SARNP: variants seen among roughly 807,000 people sequenced by gnomAD.
SARNP encodes SAP domain-containing ribonucleoprotein.
A neutral mutation model predicts 38.1 loss-of-function variants in SARNP; 5 were observed. The ratio of observed to expected loss-of-function variants is 0.13; its 90% CI spans 0.07 to 0.28. SARNP has a LOEUF of 0.28. Among genes scored for constraint, SARNP ranks in the 10% least tolerant of loss-of-function variants. The pLI, the probability that SARNP is intolerant of heterozygous loss-of-function variation, is 1.00. For missense variants in SARNP, 180 were observed against 243.9 expected (o/e 0.74, Z 1.75); for synonymous variants, 84 against 80.6 (o/e 1.04, Z -0.23).
intron 9 of SARNP, among the ~76,000 whole-genome samples, chr12:55,781,669 A>G (rs1879345972): frequency 6.6e-6 from 1 of 152,206 alleles, no homozygotes; most frequent in Non-Finnish European, 1.5e-5. Flanking sequence ...CATGAAAATG[A>G]TCACTGCAGC....
chr12:55,770,532 C>A (rs1312808399), intron 9 of SARNP, among the ~76,000 whole-genome samples: 1 of 152,102 alleles, frequency 6.6e-6, no homozygotes, highest in Admixed American at 6.6e-5. Context: ...AGCCACCACG[C>A]CCAGCCTATA....
intron 4 of SARNP, among the ~76,000 whole-genome samples, chr12:55,798,480 G>A (rs992230533): frequency 2.0e-5 from 3 of 152,214 alleles, no homozygotes; most frequent in South Asian, 2.1e-4. Context: ...CCTGGACAAC[G>A]GAGTGAGTCC....
At chr12:55,768,063 A>C (rs1878896430) in intron 9 of SARNP, among the ~76,000 whole-genome samples, 1 of 152,120 alleles carries the variant, frequency 6.6e-6, no homozygotes, top group Non-Finnish European at 1.5e-5. Flanking sequence ...TTACTGGACA[A>C]AATCAGTCTT....
At chr12:55,795,975 G>T in intron 5 of SARNP, 50 bp downstream of exon 5, 1 of 1,257,604 alleles carries the variant, frequency 8.0e-7, no homozygotes. Flanking sequence ...TAAAGGGTAA[G>T]AGGGAGAGAG....
intron 9 of SARNP, among the ~76,000 whole-genome samples, chr12:55,778,506 G>A (rs1292626695): frequency 2.0e-5 from 3 of 152,090 alleles, no homozygotes; most frequent in African/African-American, 7.2e-5. Context: ...TTGGGAGGGT[G>A]GAGAAAAGTA....
chr12:55,796,460 T>C, intron 4 of SARNP, among the ~76,000 whole-genome samples: 1 of 152,218 alleles, frequency 6.6e-6, no homozygotes, highest in East Asian at 1.9e-4. Context: ...TGGAGTGCAA[T>C]GGCACGATCT....
chr12:55,784,798 G>A (rs552648298), intron 9 of SARNP, among the ~76,000 whole-genome samples: 10 of 152,318 alleles, frequency 6.6e-5, no homozygotes, highest in African/African-American at 2.4e-4. Context: ...CTGGGACACT[G>A]TGATGGTTTA....
intron 8 of SARNP, among the ~76,000 whole-genome samples, chr12:55,789,809 T>C (rs1879609078): frequency 6.6e-6 from 1 of 151,940 alleles, no homozygotes; most frequent in Admixed American, 6.6e-5. Flanking sequence ...CCGGGCATGG[T>C]GGCGGGCACC....
At chr12:55,754,410 GC>G (rs1469513661), downstream of SARNP, 1 of 152,184 alleles carries the variant, frequency 6.6e-6, no homozygotes, top group African/African-American at 2.4e-5. Context: ...GAATCAGCAG[GC>G]AGTGGCATCT....
intron 4 of SARNP, among the ~76,000 whole-genome samples, chr12:55,797,245 A>G (rs1292397805): frequency 6.6e-6 from 1 of 152,226 alleles, no homozygotes; most frequent in Non-Finnish European, 1.5e-5. Flanking sequence ...TTTTATTGGA[A>G]ATCCCTGGAC....
intron 9 of SARNP, among the ~76,000 whole-genome samples, chr12:55,770,955 AAC>A (rs1288667631): frequency 1.5e-5 from 2 of 136,834 alleles, no homozygotes; most frequent in Non-Finnish European, 3.2e-5. Flanking sequence ...TTTTTTTTTT[AAC>A]AGAGTTTCGC....
chr12:55,792,555 T>TC (rs1197352656), intron 7 of SARNP: 2 of 150,260 alleles, frequency 1.3e-5, no homozygotes, highest in Non-Finnish European at 3.0e-5. Flanking sequence ...TTTTTTTTTT[T>TC]TGTATTTTTA....
chr12:55,779,691 T>A (rs1173220739), intron 9 of SARNP, among the ~76,000 whole-genome samples: 1 of 152,184 alleles, frequency 6.6e-6, no homozygotes, highest in African/African-American at 2.4e-5. Flanking sequence ...AGAAGACTGA[T>A]GACCAACTTC....
At position 55,800,649 on chromosome 12, in the gene SARNP, G is replaced by A. The variant is rs773228491; in HGVS notation, c.184-20C>T. 15 of 1,578,662 alleles carry A rather than the reference G, an allele frequency of 9.5e-6. No individual in the cohort carries two copies. The highest frequency in any genetic ancestry group is 1.4e-5 in the African/African-American group (1 of 73,442). On this transcript the variant is annotated intron_variant, in intron 3 of 10. Coordinates refer to ENST00000336133, the MANE Select transcript of SARNP (RefSeq NM_033082.4). ...TTCTTCCTAAAACCAAATGAAACAA[G>A]GTGGTTAACATAAATCTAAAGAATA...
At chr12:55,794,456 A>AT in intron 6 of SARNP, 69 bp from the exon 7 acceptor site, 1 of 1,328,546 alleles carries the variant, frequency 7.5e-7, no homozygotes, top group Non-Finnish European at 1.1e-6. Context: ...TCTCCGTGTC[A>AT]AGTATACATA....
chr12:55,797,820 C>G (rs1246654849), intron 4 of SARNP, among the ~76,000 whole-genome samples: 3 of 152,186 alleles, frequency 2.0e-5, no homozygotes, highest in Non-Finnish European at 4.4e-5. Context: ...CCCTGAAATA[C>G]AGAGACCCAG....
intron 4 of SARNP, among the ~76,000 whole-genome samples, chr12:55,796,550 C>T (rs997382376): frequency 6.6e-6 from 1 of 152,118 alleles, no homozygotes; most frequent in Non-Finnish European, 1.5e-5. Context: ...TTACAGGCAC[C>T]TGCCACCACG....
At chr12:55,784,000 C>T (rs188763517) in intron 9 of SARNP, among the ~76,000 whole-genome samples, 9 of 152,230 alleles carry the variant, frequency 5.9e-5, no homozygotes, top group Non-Finnish European at 1.0e-4. Flanking sequence ...ATACTTCCTC[C>T]CTTTATTCAT....
chr12:55,756,430 C>CAA (rs1381235796), downstream of SARNP: 1 of 152,120 alleles, frequency 6.6e-6, no homozygotes, highest in Admixed American at 6.5e-5. Context: ...GAAAGGTGAT[C>CAA]AAACTATTAC....
Sources: allele counts gnomAD v4.1 joint callset (sites outside exome capture counted in the v4.1 genomes callset), GRCh38; gene constraint gnomAD v4.1.1; transcripts MANE v1.5; gene names NCBI Gene and HGNC (gene_info 2026-07-23, HGNC 2026-07-21).